Variants in PEX13 observed in about 807,000 individuals in gnomAD.
PEX13 encodes the protein peroxisome biogenesis factor 13.
In PEX13, 28 loss-of-function variants were observed where a neutral mutation model predicts 34.5. The ratio of observed to expected loss-of-function variants is 0.81; its 90% CI spans 0.60 to 1.11. The LOEUF (loss-of-function observed/expected upper bound fraction) is 1.11, where lower values mean the gene tolerates loss of function less well. Among genes scored for constraint, PEX13 ranks in the 50% most tolerant of loss-of-function variants. PEX13 has a pLI of 0.00. For synonymous variants in PEX13, 177 were observed against 175.1 expected (o/e 1.01, Z -0.09); for missense variants, 550 against 491.0 (o/e 1.12, Z -1.13).
At chr2:61,032,977 C>T (rs569265399) in intron 2 of PEX13, among the ~76,000 whole-genome samples, 1 of 152,076 alleles carries the variant, frequency 6.6e-6, no homozygotes, top group Non-Finnish European at 1.5e-5. Context: ...AGTAGAAGCT[C>T]TTAATTGGCA....
chr2:61,039,485 A>G (rs193203934), intron 2 of PEX13, among the ~76,000 whole-genome samples: 2 of 152,346 alleles, frequency 1.3e-5, no homozygotes, highest in Admixed American at 1.3e-4. Flanking sequence ...AAAAACAAGA[A>G]ATAGGGAAAG....
At chr2:61,030,567 C>G (rs1235527444) in intron 1 of PEX13, among the ~76,000 whole-genome samples, 2 of 152,134 alleles carry the variant, frequency 1.3e-5, no homozygotes, top group Non-Finnish European at 2.9e-5. Flanking sequence ...AGAGAAAATA[C>G]AGGTGTTAGA....
chr2:61,029,090 G>A (rs983159954), intron 1 of PEX13, among the ~76,000 whole-genome samples: 5 of 140,230 alleles, frequency 3.6e-5, no homozygotes, highest in African/African-American at 8.1e-5. Flanking sequence ...CTTGAGCTGT[G>A]TTTGCGCTTC....
chr2:61,045,076 CAG>C (rs1162962742), intron 2 of PEX13, among the ~76,000 whole-genome samples: 1 of 152,148 alleles, frequency 6.6e-6, no homozygotes, highest in African/African-American at 2.4e-5. Context: ...AAGAATTTAA[CAG>C]AATTATATTC....
At chr2:61,030,524 TC>T (rs1215668263) in intron 1 of PEX13, among the ~76,000 whole-genome samples, 16 of 152,180 alleles carry the variant, frequency 1.1e-4, no homozygotes, top group Non-Finnish European at 2.2e-4. Flanking sequence ...TCTCTAGTGT[TC>T]CTAAGCACAG....
In PEX13 at chr2:61,050,437, A is replaced by G. The variant is rs1680778145; in HGVS notation, c.*1667A>G. On this transcript the variant is annotated 3_prime_UTR_variant, in exon 4 of 4. Transcript: ENST00000295030. ...TATTTGACGTGTTTTTTGGTTTATA[A>G]TGATTTTAAATGCAGTTAACTTTCA... is the stretch of plus-strand genomic sequence containing the variant. 1 of 152,318 alleles carries G rather than the reference A, an allele frequency of 6.6e-6. No individual in the cohort carries two copies. The highest frequency in any genetic ancestry group is 1.5e-5 in the Non-Finnish European group (1 of 68,032). 9.4% of individuals were successfully genotyped at this position (152,318 alleles called of 1,614,324 possible). A position where few individuals can be genotyped will look rare whatever the true frequency, so the allele number is the denominator to read the frequency against.
chr2:61,045,647 G>GT, intron 2 of PEX13, 79 bp from the exon 3 acceptor site: 1 of 1,327,550 alleles, frequency 7.5e-7, no homozygotes, highest in Middle Eastern at 2.0e-4. Flanking sequence ...AATTTATGCA[G>GT]TTTGCAAGCC....
At chr2:61,022,501 T>C (rs1680281706) in intron 1 of PEX13, among the ~76,000 whole-genome samples, 1 of 152,230 alleles carries the variant, frequency 6.6e-6, no homozygotes, top group Non-Finnish European at 1.5e-5. Flanking sequence ...GTATCAACCT[T>C]CTATTGTTGA....
intron 1 of PEX13, among the ~76,000 whole-genome samples, chr2:61,027,407 C>T (rs1249605289): frequency 6.6e-6 from 1 of 151,870 alleles, no homozygotes; most frequent in African/African-American, 2.4e-5. Flanking sequence ...TATCACACAT[C>T]AAGTCGGTCA....
At chr2:61,044,188 A>C (rs925674619) in intron 2 of PEX13, among the ~76,000 whole-genome samples, 3 of 152,114 alleles carry the variant, frequency 2.0e-5, no homozygotes, top group Admixed American at 2.0e-4. Context: ...GGCCTCAAGC[A>C]ATCCTGCCTT....
Position 61,051,071 on chromosome 2 carries a change from G to A in PEX13, c.*2301G>A, listed in dbSNP as rs1019917235. On this transcript the variant is annotated 3_prime_UTR_variant, in exon 4 of 4. Coordinates refer to ENST00000295030, the MANE Select transcript of PEX13 (RefSeq NM_002618.4). ...AGCCCTTTTTTGAAACGACAGTATC[G>A]TAAGTAACATATCATTTATAATAGA... 6.6e-6 allele frequency: 1 copy of A among 152,278 alleles called. No homozygotes were observed. Among genetic ancestry groups the A allele is most frequent in the African/African-American group, 2.4e-5 (1 of 41,428 alleles). The allele number at this position is 152,278 out of a possible 1,614,324, so 9.4% of individuals were successfully genotyped here. A position where few individuals can be genotyped will look rare whatever the true frequency, so the allele number is the denominator to read the frequency against.
rs1019581127 is a variant in PEX13 at position 61,050,003 on chromosome 2, A to G, written c.*1233A>G. 6.6e-6 allele frequency: 1 copy of G among 152,288 alleles called. No homozygotes were observed. Among genetic ancestry groups the G allele is most frequent in the Admixed American group, 6.5e-5 (1 of 15,272 alleles). The allele number at this position is 152,288 out of a possible 1,614,324, so 9.4% of individuals were successfully genotyped here. On this transcript the variant is annotated 3_prime_UTR_variant, in exon 4 of 4. Transcript: ENST00000295030. The stretch of plus-strand genomic sequence containing the variant: ...TCCATATTTAGGATGCTCTGTAAAT[A>G]TTGAAAATGTGTCACATTGGATACA...
intron 1 of PEX13, among the ~76,000 whole-genome samples, chr2:61,029,933 A>G (rs1353070033): frequency 6.6e-6 from 1 of 152,178 alleles, no homozygotes; most frequent in Non-Finnish European, 1.5e-5. Context: ...TTTACAGTGT[A>G]TTAGATACTA....
chr2:61,035,700 A>G (rs1046700766), intron 2 of PEX13, among the ~76,000 whole-genome samples: 1 of 152,048 alleles, frequency 6.6e-6, no homozygotes, highest in East Asian at 1.9e-4. Flanking sequence ...AGCTGATTCA[A>G]TGGCCAGGCA....
chr2:61,038,167 G>T (rs916634080), intron 2 of PEX13, among the ~76,000 whole-genome samples: 11 of 152,142 alleles, frequency 7.2e-5, no homozygotes, highest in African/African-American at 2.7e-4. Flanking sequence ...GCCAAATTCT[G>T]CCAGAGGTAG....
At chr2:61,018,048 C>G (rs1680131060) in intron 1 of PEX13, 197 bp downstream of exon 1, 4 of 1,459,108 alleles carry the variant, frequency 2.7e-6, no homozygotes, top group Non-Finnish European at 3.7e-6. Context: ...TCTGACCCGG[C>G]AGCTCTAATC....
Position 61,045,831 on chromosome 2 carries a change from T to C in PEX13, c.893T>C (p.Met298Thr), listed in dbSNP as rs138545154. The C allele has an allele frequency of 4.5e-4, 720 of 1,613,068 alleles. No individual in the cohort carries two copies. The Middle Eastern group carries it at 6.9e-3, about 16-fold the overall frequency. ...EEEISFRAGD[M>T]LNLALKEQQP... ...GAAATTTCTTTCCGGGCTGGTGATA[T>C]GCTGAACTTAGCTCTCAAAGGTAAT... The change falls in exon 3 of 4, where the codon ATG (methionine) becomes ACG (threonine). Residue 298 changes from methionine (M) to threonine (T), a missense_variant. Coordinates refer to ENST00000295030, the MANE Select transcript of PEX13 (RefSeq NM_002618.4).
chr2:61,047,218 C>G (rs1049271671), intron 3 of PEX13, among the ~76,000 whole-genome samples: 4 of 151,966 alleles, frequency 2.6e-5, no homozygotes, highest in African/African-American at 9.7e-5. Context: ...TGCAGTGGCA[C>G]GATCTTGGCT....
chr2:61,039,432 A>G (rs1404813766), intron 2 of PEX13, among the ~76,000 whole-genome samples: 1 of 152,236 alleles, frequency 6.6e-6, no homozygotes, highest in African/African-American at 2.4e-5. Context: ...GGCCTCAGAA[A>G]TAATACCACA....
Sources: allele counts gnomAD v4.1 joint callset (sites outside exome capture counted in the v4.1 genomes callset), GRCh38; gene constraint gnomAD v4.1.1; transcripts MANE v1.5; gene names NCBI Gene and HGNC (gene_info 2026-07-23, HGNC 2026-07-21).